KAZN: variants seen among roughly 807,000 people sequenced by gnomAD.
KAZN encodes kazrin, periplakin interacting protein.
Under a neutral mutation model 87.4 loss-of-function variants are expected in KAZN, and 40 were observed. The observed-to-expected ratio is 0.46, with a 90% CI of 0.36 to 0.60. The LOEUF (loss-of-function observed/expected upper bound fraction) is 0.60. Among genes scored for constraint, KAZN ranks in the 20% least tolerant of loss-of-function variants. The pLI is 0.00. For synonymous variants in KAZN, 466 were observed against 458.3 expected (o/e 1.02, Z -0.22); for missense variants, 898 against 1,073.9 (o/e 0.84, Z 2.29).
intron 1 of KAZN, among the ~76,000 whole-genome samples, chr1:14,009,492 T>C (rs1236596392): frequency 6.6e-6 from 1 of 152,242 alleles, no homozygotes; most frequent in African/African-American, 2.4e-5. Flanking sequence ...CTGTTTTTCT[T>C]TGATAATAGC....
At chr1:14,781,085 G>C (rs1645323161) in intron 1 of KAZN, among the ~76,000 whole-genome samples, 1 of 152,152 alleles carries the variant, frequency 6.6e-6, no homozygotes, top group African/African-American at 2.4e-5. Flanking sequence ...CACTTTGGGA[G>C]GCCGAGGCAG....
intron 1 of KAZN, among the ~76,000 whole-genome samples, chr1:14,091,285 G>A (rs904382535): frequency 5.1e-4 from 78 of 152,036 alleles, no homozygotes; most frequent in Non-Finnish European, 7.4e-5. Flanking sequence ...CCCTCTCACT[G>A]CATCTTGGTC....
In KAZN at chr1:14,162,655, C is replaced by T. The variant is rs373691785; in HGVS notation, c.92-17780C>T. On this transcript the variant is annotated intron_variant, in intron 1 of 16. Transcript: ENST00000636203. ...CACCTCCAGGGTTCACGCCATTCTC[C>T]TGCCTCAGCCTCCCAAATAGCTGGG... is the stretch of plus-strand genomic sequence containing the variant. 1.2e-3 allele frequency among the ~76,000 whole-genome samples: 184 copies of T among 152,050 alleles called. 1 individual carries two copies. Among genetic ancestry groups the T allele is most frequent in the Middle Eastern group, 6.8e-3 (2 of 294 alleles).
chr1:14,972,040 TTA>T (rs1316451902), intron 2 of KAZN, among the ~76,000 whole-genome samples: 2 of 152,162 alleles, frequency 1.3e-5, no homozygotes, highest in Non-Finnish European at 2.9e-5. Flanking sequence ...CAGCTTTTAA[TTA>T]ATCCACCCCT....
At chr1:13,976,531 C>T (rs1305843664) in intron 1 of KAZN, among the ~76,000 whole-genome samples, 2 of 151,702 alleles carry the variant, frequency 1.3e-5, no homozygotes, top group East Asian at 3.9e-4. Flanking sequence ...TGTTTGCCAG[C>T]CTGATGGAGT....
At chr1:14,798,723 C>T (rs147883079) in intron 1 of KAZN, among the ~76,000 whole-genome samples, 7,418 of 152,078 alleles carry the variant, frequency 0.049, 335 homozygotes, top group Admixed American at 0.15. Context: ...CGTGAGCCAC[C>T]ACGCCCGGCC....
chr1:14,338,347 C>T (rs998990691), intron 2 of KAZN, among the ~76,000 whole-genome samples: 3 of 151,662 alleles, frequency 2.0e-5, no homozygotes, highest in Non-Finnish European at 2.9e-5. Context: ...TAGCCAAGCA[C>T]GGCAGTGTGC....
At position 14,949,659 on chromosome 1, in the gene KAZN, G is replaced by A. The variant is rs1039157891; in HGVS notation, c.227-11025G>A. Among the ~76,000 whole-genome samples the A allele has an allele frequency of 2.6e-5, 4 of 152,182 alleles. No homozygotes were observed. Among genetic ancestry groups the A allele is most frequent in the South Asian group, 2.1e-4 (1 of 4,828 alleles). On this transcript the variant is annotated intron_variant, in intron 1 of 14. Coordinates refer to ENST00000376030, the MANE Select transcript of KAZN (RefSeq NM_201628.3). This position sits in a 1 kb window ranked among gnomAD's most constrained non-coding sequence, Gnocchi z 4.3. ...CCTCCGGCAGACCCCAGGGGGCTGCGTCCTGCAGTGCCAATCCTCAGGTGA... is the reference window on the plus strand; with the variant it reads ...CCTCCGGCAGACCCCAGGGGGCTGCATCCTGCAGTGCCAATCCTCAGGTGA...
intron 1 of KAZN, among the ~76,000 whole-genome samples, chr1:14,701,062 T>A (rs1191780022): frequency 6.6e-6 from 1 of 152,234 alleles, no homozygotes; most frequent in South Asian, 2.1e-4. Flanking sequence ...TTTCAAAAGA[T>A]GTGGCCCCCA....
At chr1:15,092,148 C>T (rs538280554) in intron 8 of KAZN, among the ~76,000 whole-genome samples, 5 of 143,384 alleles carry the variant, frequency 3.5e-5, no homozygotes, top group East Asian at 2.1e-4. Flanking sequence ...GCAATCTCGG[C>T]TCACCTCAAC....
At chr1:14,500,797 G>A (rs1255852240) in intron 2 of KAZN, among the ~76,000 whole-genome samples, 1 of 151,998 alleles carries the variant, frequency 6.6e-6, no homozygotes, top group Non-Finnish European at 1.5e-5. Flanking sequence ...ATAAAACAGA[G>A]TATGAGGAAA....
chr1:13,979,836 C>G (rs1406166010), intron 1 of KAZN, among the ~76,000 whole-genome samples: 1 of 148,040 alleles, frequency 6.8e-6, no homozygotes, highest in Admixed American at 7.0e-5. Flanking sequence ...GAGGCTGAGG[C>G]AGGAGAATGG....
rs915448452 is a variant in KAZN at position 15,067,469 on chromosome 1, A to G, written c.1222+1716A>G. 3 of 985,458 alleles carry G rather than the reference A, an allele frequency of 3.0e-6. No homozygotes were observed. In the African/African-American group the frequency reaches 5.2e-5, roughly 17 times the overall value. 61.0% of individuals were successfully genotyped at this position (985,458 alleles called of 1,614,324 possible). ...GTGAGCTGTTCAGCAAGGTCTGCCC[A>G]AGGCCTAAAACTCAATTTCCTTATT... On this transcript the variant is annotated intron_variant, in intron 8 of 14. Transcript: ENST00000376030.
At chr1:15,075,566 G>A (rs566469502) in intron 8 of KAZN, among the ~76,000 whole-genome samples, 10 of 152,310 alleles carry the variant, frequency 6.6e-5, no homozygotes, top group South Asian at 2.1e-4. Context: ...CAGTGGTTCT[G>A]TGGCGATCTC....
intron 1 of KAZN, among the ~76,000 whole-genome samples, chr1:14,171,348 T>TTA (rs149064867): frequency 0.029 from 4,491 of 152,276 alleles, 217 homozygotes; most frequent in African/African-American, 0.1. Flanking sequence ...TGTGTTCAAC[T>TTA]TACTGAGGAA....
At chr1:15,102,316 C>T (rs915346287) in intron 11 of KAZN, among the ~76,000 whole-genome samples, 8 of 152,086 alleles carry the variant, frequency 5.3e-5, no homozygotes, top group African/African-American at 1.7e-4. Flanking sequence ...GAGATAGCAA[C>T]GACTAAATTG....
At chr1:15,012,465 C>A (rs779269133) in intron 2 of KAZN, among the ~76,000 whole-genome samples, 1 of 152,194 alleles carries the variant, frequency 6.6e-6, no homozygotes, top group Non-Finnish European at 1.5e-5. Context: ...GTTGATGCAA[C>A]GCCCCACACC....
chr1:14,382,502 T>C (rs199697952), intron 2 of KAZN, among the ~76,000 whole-genome samples: 2,485 of 114,888 alleles, frequency 0.022, 90 homozygotes, highest in East Asian at 0.2. Context: ...CAGAGTGTGA[T>C]GTTCCCCTTC....
At chr1:14,577,034 G>T (rs1243518054) in intron 2 of KAZN, among the ~76,000 whole-genome samples, 1 of 152,164 alleles carries the variant, frequency 6.6e-6, no homozygotes, top group Non-Finnish European at 1.5e-5. Flanking sequence ...CGCAGCTACT[G>T]GTGCTACTGA....
Sources: allele counts gnomAD v4.1 joint callset (sites outside exome capture counted in the v4.1 genomes callset), GRCh38; gene constraint gnomAD v4.1.1; non-coding constraint Gnocchi (gnomAD v3.1); transcripts MANE v1.5; gene names NCBI Gene and HGNC (gene_info 2026-07-23, HGNC 2026-07-21).